Variants in TTC17 observed in about 807,000 individuals in gnomAD.
TTC17 encodes the protein tetratricopeptide repeat domain 17, also known as tetratricopeptide repeat protein 17.
Under a neutral mutation model 143.8 loss-of-function variants are expected in TTC17, and 58 were observed. The ratio of observed to expected loss-of-function variants is 0.40; its 90% CI spans 0.33 to 0.50. The LOEUF (loss-of-function observed/expected upper bound fraction) is 0.50, where lower values mean the gene tolerates loss of function less well. Ranked by LOEUF, TTC17 falls within the 20% of genes least tolerant of loss-of-function variation. The pLI is 0.49. For synonymous variants in TTC17, 501 were observed against 497.8 expected, an observed-to-expected ratio of 1.01 and a Z score of -0.09; for missense variants, 1,273 against 1,392.5, an observed-to-expected ratio of 0.91 and a Z score of 1.37.
chr11:43,372,211 T>C (rs1443998698), intron 1 of TTC17, among the ~76,000 whole-genome samples: 1 of 151,864 alleles, frequency 6.6e-6, no homozygotes, highest in African/African-American at 2.4e-5. Flanking sequence ...AAACTGTAAA[T>C]TTACAAATGC....
At chr11:43,489,984 GAAC>G (rs1053703306) in intron 21 of TTC17, 2 of 275,028 alleles carry the variant, frequency 7.3e-6, no homozygotes, top group African/African-American at 4.3e-5. Flanking sequence ...GTAGTTGAGT[GAAC>G]TTGGGCAAGA....
intron 16 of TTC17, 92 bp from the exon 17 acceptor site, chr11:43,443,233 A>C: frequency 6.7e-7 from 1 of 1,500,838 alleles, no homozygotes; most frequent in Non-Finnish European, 9.0e-7. Context: ...AAGCAGAGCC[A>C]AAACGTTTCT....
chr11:43,477,308 A>G (rs911290552), intron 21 of TTC17, among the ~76,000 whole-genome samples: 1 of 152,152 alleles, frequency 6.6e-6, no homozygotes, highest in Non-Finnish European at 1.5e-5. Context: ...AAACTGTTCT[A>G]ATCTCTGCCT....
chr11:43,391,758 C>G, intron 4 of TTC17, 63 bp from the exon 5 acceptor site: 1 of 1,570,494 alleles, frequency 6.4e-7, no homozygotes, highest in Non-Finnish European at 8.6e-7. Flanking sequence ...CTACAAGATA[C>G]TGAATTATTT....
chr11:43,423,664 CCT>C (rs1333298445), intron 16 of TTC17, among the ~76,000 whole-genome samples: 1 of 152,044 alleles, frequency 6.6e-6, no homozygotes, highest in East Asian at 1.9e-4. Context: ...GTACATAAAA[CCT>C]CTGATTTATG....
At chr11:43,459,612 A>T (rs1039128721) in intron 21 of TTC17, among the ~76,000 whole-genome samples, 3 of 152,214 alleles carry the variant, frequency 2.0e-5, no homozygotes, top group African/African-American at 7.2e-5. Context: ...CTTTAGAGTC[A>T]TATATGTCTT....
chr11:43,396,808 T>G lies in TTC17; in HGVS notation c.763T>G (p.Phe255Val), dbSNP rs752285249. ...AGAATGTGCCATGCGAGCACTTCAC[T>G]TCTCTTCCAGGTAAGATTCCTCCTC... ...VVECAMRALH[F>V]SSRHNKDIAL... Residue 255 changes from phenylalanine (F) to valine (V), a missense_variant, in exon 6 of 24, where the codon TTC becomes GTC. Phe to Val is a conservative substitution (Grantham distance 50). This residue lies in a region of TTC17 where 325 missense variants were observed against 444.2 expected (regional missense o/e 0.73). Coordinates refer to ENST00000039989, the MANE Select transcript of TTC17 (RefSeq NM_018259.6). 3 of 1,603,740 alleles carry G rather than the reference T, an allele frequency of 1.9e-6. No individual in the cohort carries two copies. The highest frequency in any genetic ancestry group is 2.2e-5 in the East Asian group (1 of 44,710).
At chr11:43,368,418 C>T (rs917386750) in intron 1 of TTC17, among the ~76,000 whole-genome samples, 6 of 152,162 alleles carry the variant, frequency 3.9e-5, no homozygotes, top group Admixed American at 3.3e-4. Flanking sequence ...GATCTTCCCC[C>T]ATTCACAAAA....
At chr11:43,455,472 A>ATT (rs2134770154) in intron 21 of TTC17, among the ~76,000 whole-genome samples, 1 of 152,214 alleles carries the variant, frequency 6.6e-6, no homozygotes, top group African/African-American at 2.4e-5. Flanking sequence ...CTAACCTAAT[A>ATT]AAGGAAAAGG....
chr11:43,409,270 T>C (rs567395942), intron 15 of TTC17, among the ~76,000 whole-genome samples: 82 of 152,334 alleles, frequency 5.4e-4, no homozygotes, highest in Non-Finnish European at 9.6e-4. Context: ...TTTAGGTTGC[T>C]AACAGTACTT....
At chr11:43,427,138 C>T (rs1483497948) in intron 16 of TTC17, among the ~76,000 whole-genome samples, 4 of 152,182 alleles carry the variant, frequency 2.6e-5, no homozygotes, top group Admixed American at 2.6e-4. Flanking sequence ...ATTTGGTTGG[C>T]CTAAATATCA....
chr11:43,359,375 C>G, intron 1 of TTC17: 1 of 438,632 alleles, frequency 2.3e-6, no homozygotes, highest in Non-Finnish European at 4.0e-6. Context: ...GAAGAGTCGC[C>G]CAGCTGCGGG....
At chr11:43,486,295 C>A in intron 21 of TTC17, 1 of 269,390 alleles carries the variant, frequency 3.7e-6, no homozygotes, top group Non-Finnish European at 8.1e-6. Flanking sequence ...CATGATGAAA[C>A]CACCTGCTGT....
In TTC17 at chr11:43,398,056, G is replaced by C; in HGVS notation, c.1001G>C (p.Arg334Thr). 1 of 1,613,988 alleles carries C rather than the reference G, an allele frequency of 6.2e-7. No individual in the cohort carries two copies. The highest frequency in any genetic ancestry group is 1.1e-5 in the South Asian group (1 of 91,076). ...CCTGGGTTTGAGCAAGCTATAAAGA[G>C]GAAGCATGCTGTCCTATGTCAGCAA... ...ARPGFEQAIK[R>T]KHAVLCQQKL... Residue 334 changes from arginine to threonine, a missense_variant, in exon 8 of 24, where the codon AGG (arginine) becomes ACG (threonine). Arg to Thr is a moderately conservative substitution (Grantham distance 71). Around this residue, in one of 3 missense-constraint regions of TTC17, gnomAD observed 325 missense variants for 444.2 expected, o/e 0.73. Transcript: ENST00000039989.
chr11:43,410,267 C>G (rs1858349510), intron 15 of TTC17, among the ~76,000 whole-genome samples: 2 of 152,158 alleles, frequency 1.3e-5, no homozygotes. Flanking sequence ...CTCCATCTCT[C>G]ATGTGTTAAA....
chr11:43,475,784 A>G (rs954402779), intron 21 of TTC17, among the ~76,000 whole-genome samples: 3 of 152,244 alleles, frequency 2.0e-5, no homozygotes, highest in Non-Finnish European at 4.4e-5. Context: ...TTTTCAGATT[A>G]GGTATACTCA....
chr11:43,388,621 T>C (rs1228141026), intron 2 of TTC17, among the ~76,000 whole-genome samples: 2 of 151,796 alleles, frequency 1.3e-5, no homozygotes, highest in African/African-American at 4.8e-5. Flanking sequence ...GAAAGATTGC[T>C]TGAGCCCAGG....
At chr11:43,448,320 G>A (rs1243094003) in intron 19 of TTC17, among the ~76,000 whole-genome samples, 198 bp downstream of exon 19, 2 of 152,014 alleles carry the variant, frequency 1.3e-5, no homozygotes, top group African/African-American at 4.8e-5. Flanking sequence ...CCCCCTTCCC[G>A]GTGCCTTCAC....
chr11:43,442,152 T>A (rs1947437810), intron 16 of TTC17, among the ~76,000 whole-genome samples: 1 of 152,188 alleles, frequency 6.6e-6, no homozygotes, highest in Non-Finnish European at 1.5e-5. Flanking sequence ...TGGTAAATAT[T>A]TGTGTCTCTA....
Sources: allele counts gnomAD v4.1 joint callset (sites outside exome capture counted in the v4.1 genomes callset), GRCh38; gene constraint gnomAD v4.1.1; regional missense constraint gnomAD v4.1.1; transcripts MANE v1.5; gene names NCBI Gene and HGNC (gene_info 2026-07-23, HGNC 2026-07-21).